The following TMEM114 variants were observed in gnomAD, a reference collection of about 807,000 sequenced individuals.
The protein encoded by TMEM114 is claudin-26.
TMEM114 carries 6 observed loss-of-function variants against 6.2 expected under a neutral mutation model. The observed-to-expected ratio is 0.97, with a 90% confidence interval of 0.53 to 1.91. The LOEUF (loss-of-function observed/expected upper bound fraction) is 1.91, where lower values mean the gene tolerates loss of function less well. TMEM114 is among the 40% of genes most tolerant of loss of function. The pLI is 0.01. For synonymous variants in TMEM114, 104 were observed against 73.0 expected (o/e 1.42, Z -2.16); for missense variants, 218 against 158.3 (o/e 1.38, Z -2.02).
intron 2 of TMEM114, among the ~76,000 whole-genome samples, chr16:8,562,766 G>C (rs1420273729): frequency 6.6e-6 from 1 of 151,672 alleles, no homozygotes; most frequent in Non-Finnish European, 1.5e-5. Context: ...GTGAAGGAGG[G>C]AGGGAATGAG....
intron 2 of TMEM114, among the ~76,000 whole-genome samples, chr16:8,552,412 G>T (rs577799600): frequency 2.0e-5 from 3 of 151,556 alleles, no homozygotes; most frequent in African/African-American, 4.9e-5. Flanking sequence ...TACTACAAAG[G>T]GTAGCTACTT....
downstream of TMEM114, among the ~76,000 whole-genome samples, chr16:8,564,505 GTAAATGAGTGAGTGACGGAGGGAGGGAA>G (rs1567203755): frequency 4.4e-5 from 6 of 137,226 alleles, no homozygotes; most frequent in East Asian, 2.2e-4. Flanking sequence ...GAATGAGTGA[GTAAATGAGTGAGTGACGGAGGGAGGGAA>G]TGAGTGAATG....
chr16:8,562,230 G>C, intron 2 of TMEM114, among the ~76,000 whole-genome samples: 1 of 142,820 alleles, frequency 7.0e-6, no homozygotes, highest in South Asian at 2.6e-4. Context: ...ATGAGTGAGT[G>C]AGTGAGTGAA....
intron 2 of TMEM114, among the ~76,000 whole-genome samples, chr16:8,587,247 G>C (rs1902346597): frequency 6.6e-6 from 1 of 152,208 alleles, no homozygotes; most frequent in East Asian, 1.9e-4. Flanking sequence ...CATATATTGA[G>C]CTCCACCTAC....
intron 2 of TMEM114, among the ~76,000 whole-genome samples, chr16:8,553,023 C>A (rs956827926): frequency 5.9e-5 from 9 of 152,228 alleles, no homozygotes; most frequent in African/African-American, 1.9e-4. Flanking sequence ...ACTTGCTAAT[C>A]CAGCCGAGGT....
At chr16:8,563,075 AAGTGAATGAGTG>A (rs1368106312) in intron 2 of TMEM114, among the ~76,000 whole-genome samples, 19 of 47,316 alleles carry the variant, frequency 4.0e-4, no homozygotes, top group Non-Finnish European at 7.8e-4. Flanking sequence ...GTGAATGAGT[AAGTGAATGAGTG>A]AGTGAGGGAG....
intron 2 of TMEM114, among the ~76,000 whole-genome samples, chr16:8,558,347 G>T (rs1363369400): frequency 6.6e-6 from 1 of 152,160 alleles, no homozygotes; most frequent in Non-Finnish European, 1.5e-5. Flanking sequence ...GCCTATTCCA[G>T]CTCCTGGTGG....
the TMEM114 span, among the ~76,000 whole-genome samples, chr16:8,529,096 C>T: frequency 7.2e-5 from 11 of 152,310 alleles, no homozygotes; most frequent in Admixed American, 2.0e-4. Context: ...GCAAAATCCT[C>T]AGCATCTTGG....
chr16:8,582,935 G>T (rs1008974372), intron 2 of TMEM114, among the ~76,000 whole-genome samples: 21 of 152,046 alleles, frequency 1.4e-4, no homozygotes, highest in African/African-American at 5.1e-4. Flanking sequence ...GAAGGGCAGG[G>T]AAGGGCAGGG....
intron 2 of TMEM114, among the ~76,000 whole-genome samples, chr16:8,588,687 T>C (rs898174130): frequency 6.5e-4 from 99 of 152,312 alleles, no homozygotes; most frequent in African/African-American, 2.3e-3. Context: ...CACCTCCTAA[T>C]TGCCTGGCTC....
the TMEM114 span, among the ~76,000 whole-genome samples, chr16:8,531,368 T>A: frequency 1.3e-5 from 2 of 152,216 alleles, no homozygotes; most frequent in Middle Eastern, 3.2e-3. Flanking sequence ...ACATAACTTA[T>A]CCCATTCCAA....
At chr16:8,567,386 C>G (rs938858890), downstream of TMEM114, among the ~76,000 whole-genome samples, 1 of 152,180 alleles carries the variant, frequency 6.6e-6, no homozygotes, top group Non-Finnish European at 1.5e-5. Flanking sequence ...CTGTAGGTAT[C>G]TGGCAAGCAT....
intron 2 of TMEM114, among the ~76,000 whole-genome samples, chr16:8,550,859 C>T (rs7190157): frequency 6.6e-6 from 1 of 151,836 alleles, no homozygotes; most frequent in Non-Finnish European, 1.5e-5. Flanking sequence ...CTCGCTGAAC[C>T]CACAGGATAG....
chr16:8,563,237 GTGAA>G (rs1390085248), intron 2 of TMEM114, among the ~76,000 whole-genome samples: 7 of 151,916 alleles, frequency 4.6e-5, no homozygotes, highest in African/African-American at 1.7e-4. Context: ...GAATGAGTGA[GTGAA>G]TGAGTCAGTG....
At chr16:8,550,343 C>A (rs1331152813) in intron 2 of TMEM114, among the ~76,000 whole-genome samples, 3 of 152,228 alleles carry the variant, frequency 2.0e-5, no homozygotes, top group Middle Eastern at 3.2e-3. Flanking sequence ...TATTAACCAT[C>A]ACAGTACCCT....
chr16:8,542,196 C>G (rs1013657351), intron 2 of TMEM114, among the ~76,000 whole-genome samples: 3 of 152,088 alleles, frequency 2.0e-5, no homozygotes, highest in Non-Finnish European at 4.4e-5. Flanking sequence ...CCTCTACTTC[C>G]TCTGCCAAGA....
At chr16:8,574,550 CTTCTTTCT>C (rs771760042) in intron 2 of TMEM114, among the ~76,000 whole-genome samples, 1 of 146,904 alleles carries the variant, frequency 6.8e-6, no homozygotes, top group East Asian at 2.0e-4. Flanking sequence ...GTGGTCTTTC[CTTCTTTCT>C]TTCTTTCTTT....
intron 2 of TMEM114, among the ~76,000 whole-genome samples, chr16:8,562,067 A>C (rs1489329087): frequency 2.0e-5 from 3 of 150,978 alleles, no homozygotes; most frequent in African/African-American, 7.3e-5. Context: ...TGAGTGAGTA[A>C]ATGAGTGAGT....
the TMEM114 span, chr16:8,531,925 C>T: frequency 6.6e-6 from 1 of 152,170 alleles, no homozygotes; most frequent in East Asian, 1.9e-4. Flanking sequence ...AGATAGGAAA[C>T]CTACCTCATG....
Sources: gnomAD v4.1 joint callset for allele counts (sites outside exome capture counted in the v4.1 genomes callset) on GRCh38, gnomAD v4.1.1 for gene constraint, MANE v1.5 for transcripts, NCBI Gene and HGNC (gene_info 2026-07-23, HGNC 2026-07-21) for gene names.